Variants in ME2 observed in about 807,000 individuals in gnomAD.
ME2 encodes the protein NAD-dependent malic enzyme, mitochondrial.
A neutral mutation model predicts 73.7 loss-of-function variants in ME2; 60 were observed. That is an observed-to-expected ratio of 0.81 (90% CI 0.66 to 1.01). The LOEUF (loss-of-function observed/expected upper bound fraction) is 1.01, where lower values mean the gene tolerates loss of function less well. Among genes scored for constraint, ME2 ranks in the 50% least tolerant of loss-of-function variants. ME2 has a pLI of 0.00. For missense variants in ME2, 594 were observed against 705.5 expected (o/e 0.84, Z 1.79); for synonymous variants, 199 against 236.9 (o/e 0.84, Z 1.47).
intron 13 of ME2, among the ~76,000 whole-genome samples, chr18:50,937,885 G>A (rs890975341): frequency 8.6e-5 from 13 of 151,976 alleles, no homozygotes; most frequent in Non-Finnish European, 1.9e-4. Context: ...GGAGGGAAGT[G>A]AATCCTCAAG....
intron 6 of ME2, 86 bp from the exon 7 acceptor site, chr18:50,918,024 G>A (rs1005437170): frequency 2.5e-5 from 19 of 761,186 alleles, no homozygotes; most frequent in Admixed American, 6.5e-5. Context: ...AATTGTATTA[G>A]TAATTTTTTA....
chr18:50,937,341 G>A (rs962662745), intron 13 of ME2, among the ~76,000 whole-genome samples: 1 of 152,158 alleles, frequency 6.6e-6, no homozygotes, highest in Non-Finnish European at 1.5e-5. Context: ...GTGTTTCTAG[G>A]CTGGGAGACA....
In ME2 at chr18:50,920,707, TA is replaced by T; in HGVS notation, c.892del (p.Ile298LeufsTer26). Reference protein sequence around the residue: ...LAGLLAAQKVISKPISEHKIL... With the variant: ...LAGLLAAQKVXSKPISEHKIL... ...CAGGTCTTCTTGCAGCACAAAAAGT[TA>T]TTAGTAAACCAATCTCCGAACACAA... On this transcript the variant is annotated frameshift_variant, in exon 9 of 16. Coordinates refer to ENST00000321341, the MANE Select transcript of ME2 (RefSeq NM_002396.5). LOFTEE classifies it high-confidence loss of function. 1 of 1,612,380 alleles carries T rather than the reference TA, an allele frequency of 6.2e-7. No individual in the cohort carries two copies. Among genetic ancestry groups the T allele is most frequent in the South Asian group, 1.1e-5 (1 of 90,926 alleles).
chr18:50,938,795 A>T (rs1599125063), intron 13 of ME2, among the ~76,000 whole-genome samples: 1 of 152,314 alleles, frequency 6.6e-6, no homozygotes, highest in East Asian at 1.9e-4. Context: ...ATTCTAGAGC[A>T]GGAAATTCGA....
At chr18:50,939,065 C>T (rs1387057328) in intron 13 of ME2, 1 of 149,504 alleles carries the variant, frequency 6.7e-6, no homozygotes, top group Non-Finnish European at 1.5e-5. Context: ...AATATTTACT[C>T]CTACAGGAAA....
At chr18:50,892,511 T>C (rs919168742) in intron 1 of ME2, among the ~76,000 whole-genome samples, 1 of 152,256 alleles carries the variant, frequency 6.6e-6, no homozygotes, top group Admixed American at 6.5e-5. Flanking sequence ...TTTCTATCCA[T>C]ATATTTAGGA....
At chr18:50,924,332 T>C in intron 11 of ME2, 120 bp downstream of exon 11, 1 of 644,626 alleles carries the variant, frequency 1.6e-6, no homozygotes, top group South Asian at 2.4e-5. Flanking sequence ...GCATGTACAA[T>C]GTTTTCTGTG....
intron 13 of ME2, among the ~76,000 whole-genome samples, chr18:50,937,078 AAG>A (rs2144263608): frequency 1.3e-5 from 2 of 152,344 alleles, no homozygotes; most frequent in South Asian, 4.1e-4. Flanking sequence ...AGCAAGAAAA[AAG>A]AGGAAAAGGA....
chr18:50,880,366 C>T (rs1358333863), intron 1 of ME2, among the ~76,000 whole-genome samples: 2 of 152,196 alleles, frequency 1.3e-5, no homozygotes, highest in Non-Finnish European at 2.9e-5. Context: ...ACCCCCACTC[C>T]CTTAAACGTG....
chr18:50,947,791 G>C lies in ME2; in HGVS notation c.*607G>C, dbSNP rs1361222207. On this transcript the variant is annotated 3_prime_UTR_variant, in exon 16 of 16. Coordinates refer to ENST00000321341, the MANE Select transcript of ME2 (RefSeq NM_002396.5). ...TTAACTATAACATTATGAGAGTAAT[G>C]GGAACTACTGCTGGCTTTAAGTAAA... The C allele has an allele frequency of 6.6e-6, 1 of 152,118 alleles. No individual in the cohort carries two copies. The highest frequency in any genetic ancestry group is 2.4e-5 in the African/African-American group (1 of 41,442). The allele number at this position is 152,118 out of a possible 1,614,324, so 9.4% of individuals were successfully genotyped here. A position where few individuals can be genotyped will look rare whatever the true frequency, so the allele number is the denominator to read the frequency against.
Position 50,916,166 on chromosome 18 carries a change from A to G in ME2, c.393-2A>G, listed in dbSNP as rs866990785. On this transcript the variant is annotated splice_acceptor_variant, in intron 4 of 15. Coordinates refer to ENST00000321341, the MANE Select transcript of ME2 (RefSeq NM_002396.5). LOFTEE classifies it high-confidence loss of function. ...TGCAAAGGTGTTTTTGTTCTGTTGC[A>G]GGGGATTATTTATTTCGATCTCAGA... is the stretch of plus-strand genomic sequence containing the variant. The G allele has an allele frequency of 7.5e-6, 12 of 1,605,484 alleles. No homozygotes were observed. The highest frequency in any genetic ancestry group is 5.4e-5 in the African/African-American group (4 of 74,646).
At chr18:50,884,997 G>GGC (rs1179545244) in intron 1 of ME2, among the ~76,000 whole-genome samples, 1 of 152,154 alleles carries the variant, frequency 6.6e-6, no homozygotes, top group African/African-American at 2.4e-5. Context: ...TGGGATTGCA[G>GGC]GCGCCGGTCA....
intron 2 of ME2, among the ~76,000 whole-genome samples, chr18:50,900,845 G>A (rs1916872368): frequency 1.3e-5 from 2 of 152,060 alleles, no homozygotes; most frequent in South Asian, 4.2e-4. Context: ...GGGTAGAGGG[G>A]CCTTCTACCA....
intron 1 of ME2, among the ~76,000 whole-genome samples, chr18:50,888,145 C>T (rs1300822062): frequency 6.6e-6 from 1 of 152,016 alleles, no homozygotes; most frequent in East Asian, 1.9e-4. Context: ...AGTTGGAGAC[C>T]ACCCTGTGCA....
chr18:50,897,224 G>A (rs1004482209), intron 2 of ME2, among the ~76,000 whole-genome samples: 2 of 152,194 alleles, frequency 1.3e-5, no homozygotes, highest in South Asian at 4.1e-4. Context: ...TTTTGGGCAG[G>A]GACCATTCAA....
rs776813362 is a variant in ME2 at position 50,925,769 on chromosome 18, T to G, written c.1185T>G (p.Ala395=). The part of the protein sequence containing the change: ...KPSTIIGVAG[A]GRLFTPDVIR... ...TACTTATTACAGGAGTTGCAGGTGCTGGCCGTCTTTTCACTCCTGATGTAA... is the reference window on the plus strand; with the variant it reads ...TACTTATTACAGGAGTTGCAGGTGCGGGCCGTCTTTTCACTCCTGATGTAA... The change falls in exon 12 of 16, where the codon GCT becomes GCG. Residue 395 remains alanine (A), a synonymous_variant. Coordinates refer to ENST00000321341, the MANE Select transcript of ME2 (RefSeq NM_002396.5). 39 of 1,613,976 alleles carry G rather than the reference T, an allele frequency of 2.4e-5. No individual in the cohort carries two copies. The highest frequency in any genetic ancestry group is 3.1e-5 in the Non-Finnish European group (37 of 1,179,896).
chr18:50,942,029 TAAA>T (rs956093614), intron 15 of ME2, among the ~76,000 whole-genome samples: 1 of 152,104 alleles, frequency 6.6e-6, no homozygotes, highest in Non-Finnish European at 1.5e-5. Context: ...ACATGTCTTT[TAAA>T]AGTTTTTTAT....
intron 1 of ME2, among the ~76,000 whole-genome samples, chr18:50,891,886 T>C (rs2144190148): frequency 6.6e-6 from 1 of 151,576 alleles, no homozygotes; most frequent in African/African-American, 2.4e-5. Context: ...CAGTCTCGGC[T>C]CACTGCAGCT....
intron 1 of ME2, among the ~76,000 whole-genome samples, chr18:50,887,618 A>T (rs1568157735): frequency 6.6e-6 from 1 of 152,224 alleles, no homozygotes. Flanking sequence ...AACTTGTTTG[A>T]ATTTGGCTTT....
Sources: allele counts gnomAD v4.1 joint callset (sites outside exome capture counted in the v4.1 genomes callset), GRCh38; gene constraint gnomAD v4.1.1; transcripts MANE v1.5; gene names NCBI Gene and HGNC (gene_info 2026-07-23, HGNC 2026-07-21).